Variants in COBL observed in about 807,000 individuals in gnomAD.
The protein encoded by COBL is protein cordon-bleu.
A neutral mutation model predicts 98.8 loss-of-function variants in COBL; 51 were observed. The ratio of observed to expected loss-of-function variants is 0.52; its 90% CI spans 0.41 to 0.65. COBL has a LOEUF of 0.65. Ranked by LOEUF, COBL falls within the 30% of genes least tolerant of loss-of-function variation. The pLI is 0.00. For synonymous variants in COBL, 634 were observed against 651.7 expected (o/e 0.97, Z 0.41); for missense variants, 1,617 against 1,617.5 (o/e 1.00, Z 0.01).
intron 6 of COBL, among the ~76,000 whole-genome samples, chr7:51,105,927 T>C (rs1178410158): frequency 2.6e-5 from 4 of 151,832 alleles, no homozygotes; most frequent in Non-Finnish European, 4.4e-5. Context: ...CCTGGCACCT[T>C]GCAAGGTTTG....
chr7:51,037,919 T>C (rs1788796147), intron 8 of COBL, among the ~76,000 whole-genome samples: 5 of 152,196 alleles, frequency 3.3e-5, no homozygotes, highest in Non-Finnish European at 7.3e-5. Flanking sequence ...TGGTGTGATC[T>C]CAGCTCACTG....
At chr7:51,065,545 GC>G in intron 7 of COBL, 1 of 612,252 alleles carries the variant, frequency 1.6e-6, no homozygotes, top group Non-Finnish European at 2.9e-6. Context: ...GTGGGCTACA[GC>G]CAGCTTTGGG....
At chr7:51,220,129 A>T (rs972263567) in intron 1 of COBL, among the ~76,000 whole-genome samples, 185 bp from the exon 2 acceptor site, 1 of 152,230 alleles carries the variant, frequency 6.6e-6, no homozygotes, top group Admixed American at 6.5e-5. Context: ...AGAAAGGGTT[A>T]TTAAAAGGAA....
intron 1 of COBL, among the ~76,000 whole-genome samples, chr7:51,299,629 A>G (rs1025704793): frequency 6.6e-6 from 1 of 152,176 alleles, no homozygotes; most frequent in Non-Finnish European, 1.5e-5. Flanking sequence ...TGAAACATGA[A>G]GAGCTGAAAT....
At chr7:51,095,139 G>A (rs1314161490) in intron 6 of COBL, among the ~76,000 whole-genome samples, 3 of 152,162 alleles carry the variant, frequency 2.0e-5, no homozygotes, top group African/African-American at 7.2e-5. Context: ...CACATGGGTG[G>A]GGAGGCCTCA....
At chr7:51,276,127 A>G (rs573024226) in intron 1 of COBL, among the ~76,000 whole-genome samples, 2 of 152,218 alleles carry the variant, frequency 1.3e-5, no homozygotes, top group East Asian at 1.9e-4. Context: ...TCTGTTTACA[A>G]TAACACAGGA....
chr7:51,296,612 A>T (rs1438907355), intron 1 of COBL, among the ~76,000 whole-genome samples: 1 of 152,204 alleles, frequency 6.6e-6, no homozygotes, highest in Non-Finnish European at 1.5e-5. Context: ...AATCAATTTG[A>T]TAAATGACTC....
chr7:51,058,554 A>AC (rs1790993825), intron 7 of COBL, among the ~76,000 whole-genome samples: 2 of 150,176 alleles, frequency 1.3e-5, no homozygotes, highest in Admixed American at 1.3e-4. Context: ...CCATGTCTCA[A>AC]AACAACAACA....
intron 6 of COBL, among the ~76,000 whole-genome samples, chr7:51,123,259 C>T (rs1161170681): frequency 1.3e-5 from 2 of 152,290 alleles, no homozygotes; most frequent in South Asian, 4.2e-4. Flanking sequence ...ACAGTAATGG[C>T]TTGGCAGTTC....
intron 2 of COBL, among the ~76,000 whole-genome samples, chr7:51,204,233 A>C (rs1791438025): frequency 6.6e-6 from 1 of 152,240 alleles, no homozygotes; most frequent in Non-Finnish European, 1.5e-5. Flanking sequence ...TCAACATTAT[A>C]AAAACCATAT....
At chr7:51,313,191 C>T (rs1403104823) in intron 1 of COBL, among the ~76,000 whole-genome samples, 1 of 152,098 alleles carries the variant, frequency 6.6e-6, no homozygotes, top group African/African-American at 2.4e-5. Context: ...AACATGTTAG[C>T]CAAAAGCCAA....
At chr7:51,135,112 A>G (rs1799112882) in intron 6 of COBL, among the ~76,000 whole-genome samples, 1 of 151,960 alleles carries the variant, frequency 6.6e-6, no homozygotes, top group African/African-American at 2.4e-5. Flanking sequence ...ATAGGCGTGC[A>G]CCACCATGCC....
intron 1 of COBL, among the ~76,000 whole-genome samples, chr7:51,272,344 G>T (rs139086423): frequency 6.6e-6 from 1 of 151,942 alleles, no homozygotes; most frequent in African/African-American, 2.4e-5. Context: ...TAATAACTTC[G>T]CAAGGTCTCA....
chr7:51,236,683 C>G (rs957350198), intron 1 of COBL, among the ~76,000 whole-genome samples: 4 of 152,262 alleles, frequency 2.6e-5, no homozygotes, highest in South Asian at 4.2e-4. Flanking sequence ...TACTTCCCAG[C>G]TGTCCCTCTG....
In COBL at chr7:51,295,904, G is replaced by A. The variant is rs187975054; in HGVS notation, c.41+20689C>T. 3.0e-3 allele frequency among the ~76,000 whole-genome samples: 456 copies of A among 152,270 alleles called. 7 individuals carry two copies. The highest frequency in any genetic ancestry group is 5.3e-4 in the Non-Finnish European group (36 of 68,018). On this transcript the variant is annotated intron_variant, in intron 1 of 12. Transcript: ENST00000265136. ...AATCCCTAAGCTACTATTTACATAA[G>A]CTAATCTTAGGGATAGTTACAGCTT...
intron 7 of COBL, chr7:51,071,603 T>C (rs1301561883): frequency 3.3e-5 from 5 of 152,242 alleles, no homozygotes. Context: ...TTGAGTTTGA[T>C]ATACTTATTG....
intron 5 of COBL, among the ~76,000 whole-genome samples, chr7:51,153,120 T>C (rs187413096): frequency 1.8e-4 from 28 of 152,186 alleles, no homozygotes; most frequent in African/African-American, 5.3e-4. Flanking sequence ...CCAGCTGCCA[T>C]GGGGGATTGT....
chr7:51,316,002 C>T (rs964909597), intron 1 of COBL, among the ~76,000 whole-genome samples: 3 of 152,214 alleles, frequency 2.0e-5, no homozygotes, highest in Admixed American at 6.5e-5. Flanking sequence ...GGAATAAAGG[C>T]AGGGAGGGAG....
chr7:51,016,955 C>T lies in COBL; in HGVS notation c.*596G>A. 2.5e-6 allele frequency: 1 copy of T among 402,540 alleles called. No homozygotes were observed. Among genetic ancestry groups the T allele is most frequent in the Admixed American group, 4.3e-5 (1 of 23,324 alleles). The allele number at this position is 402,540 out of a possible 1,614,324, so 24.9% of individuals were successfully genotyped here. On this transcript the variant is annotated 3_prime_UTR_variant, in exon 13 of 13. Transcript: ENST00000265136. Reference sequence around the variant, plus strand: ...GTTGGTCAGATCATGGACTGTGACCCTCTGTGAAGTGTTAGCCCCAAATAT... The same window carrying T: ...GTTGGTCAGATCATGGACTGTGACCTTCTGTGAAGTGTTAGCCCCAAATAT...
Sources: allele counts gnomAD v4.1 joint callset (sites outside exome capture counted in the v4.1 genomes callset), GRCh38; gene constraint gnomAD v4.1.1; transcripts MANE v1.5; gene names NCBI Gene and HGNC (gene_info 2026-07-23, HGNC 2026-07-21).